The following PDCD1LG2 variants were observed in gnomAD, a reference collection of about 807,000 sequenced individuals.
PDCD1LG2 encodes the protein B7 dendritic cell molecule.
A neutral mutation model predicts 28.2 loss-of-function variants in PDCD1LG2; 32 were observed. The ratio of observed to expected loss-of-function variants is 1.13; its 90% confidence interval spans 0.86 to 1.52. The LOEUF is 1.52. PDCD1LG2 is among the 40% of genes most tolerant of loss of function. PDCD1LG2 has a pLI of 0.00. For missense variants in PDCD1LG2, 385 were observed against 323.8 expected, an observed-to-expected ratio of 1.19 and a Z score of -1.45; for synonymous variants, 116 against 120.2, an observed-to-expected ratio of 0.97 and a Z score of 0.23.
At chr9:5,546,459 C>G (rs1816207365) in intron 3 of PDCD1LG2, among the ~76,000 whole-genome samples, 1 of 152,138 alleles carries the variant, frequency 6.6e-6, no homozygotes, top group South Asian at 2.1e-4. Context: ...AAAGTGAGTA[C>G]TCGAAATACA....
chr9:5,557,529 T>C (rs2129919082), intron 4 of PDCD1LG2, 89 bp from the exon 5 acceptor site: 9 of 1,443,122 alleles, frequency 6.2e-6, no homozygotes, highest in Non-Finnish European at 7.7e-6. Flanking sequence ...GAGCTAGCCG[T>C]GTTGGCTGTC....
At chr9:5,555,211 T>A (rs1416240292) in intron 4 of PDCD1LG2, among the ~76,000 whole-genome samples, 1 of 151,930 alleles carries the variant, frequency 6.6e-6, no homozygotes, top group Non-Finnish European at 1.5e-5. Flanking sequence ...GGCCAGGAGT[T>A]CAAAAATCAG....
At chr9:5,557,832 G>A (rs773619284) in intron 5 of PDCD1LG2, 80 bp downstream of exon 5, 19 of 1,539,168 alleles carry the variant, frequency 1.2e-5, no homozygotes, top group Middle Eastern at 1.7e-4. Flanking sequence ...CAGGCCTATG[G>A]CTTGCTGCTT....
chr9:5,549,611 G>T lies in PDCD1LG2; in HGVS notation c.631+7G>T, dbSNP rs1159290298. On this transcript the variant is annotated splice_region_variant and intron_variant, in intron 4 of 6. Transcript: ENST00000397747. Reference sequence around the variant, plus strand: ...GCCAGCATTGACCTTCAAAGTAAGAGCTGCCCCCACTTCCTAGGTCTATCA... The same window carrying T: ...GCCAGCATTGACCTTCAAAGTAAGATCTGCCCCCACTTCCTAGGTCTATCA... 1 of 1,613,998 alleles carries T rather than the reference G, an allele frequency of 6.2e-7. No individual in the cohort carries two copies. The highest frequency in any genetic ancestry group is 8.5e-7 in the Non-Finnish European group (1 of 1,179,862).
Position 5,570,569 on chromosome 9 carries a change from C to A in PDCD1LG2, c.*610C>A. On this transcript the variant is annotated 3_prime_UTR_variant, in exon 7 of 7. Transcript: ENST00000397747. ...AAGTGCACAAATTGTGGAGTAAAGTCATCAAGCTCTGTTTTTGAGGTCTAA... is the reference window on the plus strand; with the variant it reads ...AAGTGCACAAATTGTGGAGTAAAGTAATCAAGCTCTGTTTTTGAGGTCTAA... 1 of 232,712 alleles carries A rather than the reference C, an allele frequency of 4.3e-6. No individual in the cohort carries two copies. 14.4% of individuals were successfully genotyped at this position (232,712 alleles called of 1,614,324 possible).
intron 1 of PDCD1LG2, among the ~76,000 whole-genome samples, chr9:5,521,814 C>T (rs936066286): frequency 2.0e-5 from 3 of 152,142 alleles, no homozygotes; most frequent in Non-Finnish European, 2.9e-5. Flanking sequence ...AGTTTCAGAC[C>T]ATTATCAGAT....
At chr9:5,561,675 C>T (rs1325516606) in intron 5 of PDCD1LG2, among the ~76,000 whole-genome samples, 1 of 152,180 alleles carries the variant, frequency 6.6e-6, no homozygotes, top group African/African-American at 2.4e-5. Flanking sequence ...ATCTTTAGAA[C>T]ATGTCTTCAG....
intron 3 of PDCD1LG2, among the ~76,000 whole-genome samples, chr9:5,537,381 G>A (rs186840099): frequency 6.6e-6 from 1 of 152,016 alleles, no homozygotes; most frequent in Non-Finnish European, 1.5e-5. Flanking sequence ...CTTATTAAGG[G>A]ACACATTCCC....
chr9:5,518,063 T>G (rs1820200902), intron 1 of PDCD1LG2, among the ~76,000 whole-genome samples: 1 of 152,186 alleles, frequency 6.6e-6, no homozygotes, highest in Non-Finnish European at 1.5e-5. Context: ...ATTTGCAAGA[T>G]GAGAAATGCA....
At chr9:5,550,757 G>C (rs1048104560) in intron 4 of PDCD1LG2, among the ~76,000 whole-genome samples, 1 of 151,512 alleles carries the variant, frequency 6.6e-6, no homozygotes, top group Non-Finnish European at 1.5e-5. Context: ...GCAGTGGCAC[G>C]ATCCCGGCTC....
At chr9:5,559,867 A>C (rs1301887436) in intron 5 of PDCD1LG2, among the ~76,000 whole-genome samples, 2 of 152,180 alleles carry the variant, frequency 1.3e-5, no homozygotes, top group Admixed American at 1.3e-4. Context: ...CATCACCATC[A>C]CCTTCATTGT....
At chr9:5,511,411 TA>T (rs147650299) in intron 1 of PDCD1LG2, among the ~76,000 whole-genome samples, 1 of 152,324 alleles carries the variant, frequency 6.6e-6, no homozygotes, top group African/African-American at 2.4e-5. Flanking sequence ...AAATAATTGC[TA>T]TTGATTGCTC....
chr9:5,519,158 T>G (rs146737612), intron 1 of PDCD1LG2, among the ~76,000 whole-genome samples: 1 of 152,240 alleles, frequency 6.6e-6, no homozygotes, highest in East Asian at 1.9e-4. Context: ...TGAGTGGATT[T>G]AGGATTAGCT....
At chr9:5,554,236 G>C (rs528110297) in intron 4 of PDCD1LG2, among the ~76,000 whole-genome samples, 3 of 152,310 alleles carry the variant, frequency 2.0e-5, no homozygotes, top group African/African-American at 7.2e-5. Flanking sequence ...CTCAACAAAT[G>C]TTGGGTTGAT....
chr9:5,521,322 A>G (rs1414130417), intron 1 of PDCD1LG2, among the ~76,000 whole-genome samples: 1 of 152,236 alleles, frequency 6.6e-6, no homozygotes, highest in Non-Finnish European at 1.5e-5. Flanking sequence ...CTCCGTGAAC[A>G]TACTAAAAAC....
At chr9:5,515,862 G>A (rs1165679968) in intron 1 of PDCD1LG2, among the ~76,000 whole-genome samples, 1 of 128,188 alleles carries the variant, frequency 7.8e-6, no homozygotes, top group Admixed American at 9.2e-5. Context: ...GGCGGAGGAT[G>A]CAGTGAGCCA....
intron 1 of PDCD1LG2, among the ~76,000 whole-genome samples, chr9:5,520,731 T>A (rs1185490450): frequency 6.6e-6 from 1 of 152,244 alleles, no homozygotes; most frequent in African/African-American, 2.4e-5. Flanking sequence ...CACAGGATTC[T>A]ATAAAGAAAC....
At chr9:5,536,651 C>A (rs966207630) in intron 3 of PDCD1LG2, among the ~76,000 whole-genome samples, 1 of 152,232 alleles carries the variant, frequency 6.6e-6, no homozygotes, top group African/African-American at 2.4e-5. Context: ...AAACTGAGAA[C>A]TGTCTCTCAT....
chr9:5,532,586 G>A (rs952987490), intron 2 of PDCD1LG2, among the ~76,000 whole-genome samples: 11 of 152,126 alleles, frequency 7.2e-5, no homozygotes, highest in African/African-American at 2.7e-4. Context: ...ACTCAGCCTG[G>A]TCTTTGCCTT....
Sources: gnomAD v4.1 joint callset for allele counts (sites outside exome capture counted in the v4.1 genomes callset) on GRCh38, gnomAD v4.1.1 for gene constraint, MANE v1.5 for transcripts, NCBI Gene and HGNC (gene_info 2026-07-23, HGNC 2026-07-21) for gene names.